The following YARS1 variants were observed in gnomAD, a reference collection of about 807,000 sequenced individuals.
The protein encoded by YARS1 is tyrosine--tRNA ligase, cytoplasmic.
A neutral mutation model predicts 62.2 loss-of-function variants in YARS1; 36 were observed. The observed-to-expected ratio is 0.58, with a 90% CI of 0.44 to 0.76. YARS1 has a LOEUF of 0.76. Among genes scored for constraint, YARS1 ranks in the 30% least tolerant of loss-of-function variants. The pLI is 0.00. For synonymous variants in YARS1, 234 were observed against 244.9 expected, an observed-to-expected ratio of 0.96 and a Z score of 0.42; for missense variants, 524 against 639.8, an observed-to-expected ratio of 0.82 and a Z score of 1.95.
At chr1:32,811,313 C>A in intron 1 of YARS1, 1 of 533,074 alleles carries the variant, frequency 1.9e-6, no homozygotes, top group Non-Finnish European at 3.4e-6. Flanking sequence ...TCTTACCCAC[C>A]CCCCTTCCTC....
intron 12 of YARS1, among the ~76,000 whole-genome samples, chr1:32,778,914 A>G (rs1278620069): frequency 6.7e-6 from 1 of 150,244 alleles, no homozygotes; most frequent in Non-Finnish European, 1.5e-5. Flanking sequence ...AATTTTTTGT[A>G]TTTTTAGTAG....
chr1:32,806,714 C>A, intron 3 of YARS1, 103 bp from the exon 4 acceptor site: 1 of 1,490,750 alleles, frequency 6.7e-7, no homozygotes, highest in Non-Finnish European at 9.2e-7. Context: ...CTTAGTGTAA[C>A]CAGGGATCTC....
rs142577638 is a variant in YARS1 at position 32,806,292 on chromosome 1, G to C, written c.510+190C>G. On this transcript the variant is annotated intron_variant, in intron 4 of 12. Coordinates refer to ENST00000373477, the MANE Select transcript of YARS1 (RefSeq NM_003680.4). ...GAGAATTACCAAAATGTAGCACAGA[G>C]ACACGAAGTGAGCACATGCTGTTGG... Among the ~76,000 whole-genome samples the C allele has an allele frequency of 4.1e-4, 62 of 152,338 alleles. 1 individual carries two copies. Among genetic ancestry groups the C allele is most frequent in the African/African-American group, 1.4e-3 (60 of 41,582 alleles).
At chr1:32,800,855 A>G (rs1222131185) in intron 4 of YARS1, among the ~76,000 whole-genome samples, 1 of 152,134 alleles carries the variant, frequency 6.6e-6, no homozygotes, top group South Asian at 2.1e-4. Context: ...TTACAGGCGT[A>G]AGCCACTGCA....
At position 32,810,605 on chromosome 1, in the gene YARS1, A is replaced by G. The variant is rs777233375; in HGVS notation, c.366T>C (p.Asp122=). 5.6e-6 allele frequency: 9 copies of G among 1,612,892 alleles called. No homozygotes were observed. The highest frequency in any genetic ancestry group is 1.3e-5 in the African/African-American group (1 of 74,900). The change falls in exon 3 of 13, where the codon GAT becomes GAC. Residue 122 remains aspartate, a synonymous_variant. Coordinates refer to ENST00000373477, the MANE Select transcript of YARS1 (RefSeq NM_003680.4). ...LEKLKFIKGT[D]YQLSKEYTLD... ...CAAGCACTTACTTGCTGAGCTGGTAATCAGTGCCTTTGATGAACTTGAGCT... is the reference window on the plus strand; with the variant it reads ...CAAGCACTTACTTGCTGAGCTGGTAGTCAGTGCCTTTGATGAACTTGAGCT...
At position 32,782,197 on chromosome 1, in the gene YARS1, G is replaced by A. The variant is rs1336667944; in HGVS notation, c.1042+207C>T. The A allele has an allele frequency of 2.1e-5, 15 of 728,984 alleles. No homozygotes were observed. The South Asian group carries it at 2.2e-4, about 11-fold the overall frequency. 45.2% of individuals were successfully genotyped at this position (728,984 alleles called of 1,614,324 possible). ...ACACCAGCAGCTCTCAGCAATGCCG[G>A]TACAAAAGGATGTGATCACTTCCTG... On this transcript the variant is annotated intron_variant, in intron 9 of 12. Transcript: ENST00000373477.
chr1:32,779,578 G>C, intron 11 of YARS1, 55 bp from the exon 12 acceptor site: 1 of 1,613,100 alleles, frequency 6.2e-7, no homozygotes, highest in South Asian at 1.1e-5. Flanking sequence ...TCCAGTGACT[G>C]TGGAGGCCAA....
At chr1:32,799,357 T>C (rs1006428823) in intron 4 of YARS1, among the ~76,000 whole-genome samples, 4 of 152,066 alleles carry the variant, frequency 2.6e-5, no homozygotes, top group Admixed American at 2.6e-4. Context: ...AGGAGAAATA[T>C]GACCAGCACT....
At chr1:32,811,204 G>A in intron 1 of YARS1, 147 bp from the exon 2 acceptor site, 1 of 1,175,492 alleles carries the variant, frequency 8.5e-7, no homozygotes. Context: ...CAGTGCAGAT[G>A]TGATACCCTA....
At chr1:32,787,907 T>A (rs1444968643) in intron 6 of YARS1, among the ~76,000 whole-genome samples, 1 of 152,118 alleles carries the variant, frequency 6.6e-6, no homozygotes, top group Non-Finnish European at 1.5e-5. Flanking sequence ...GCCCAGGAGT[T>A]CAAGACCAGT....
intron 6 of YARS1, among the ~76,000 whole-genome samples, chr1:32,790,452 T>C (rs1004291092): frequency 2.1e-5 from 3 of 142,728 alleles, no homozygotes; most frequent in Non-Finnish European, 4.5e-5. Flanking sequence ...AGGCGGAGCT[T>C]GCAGTGAGCT....
At position 32,776,732 on chromosome 1, in the gene YARS1, C is replaced by G. The variant is rs1375901237; in HGVS notation, c.1477-641G>C. The stretch of plus-strand genomic sequence containing the variant: ...CTATAATCCCAGCATTTCGGGAGGC[C>G]GAGGTGGGCGGATCACGAGGTCAGG... On this transcript the variant is annotated intron_variant, in intron 12 of 12. Coordinates refer to ENST00000373477, the MANE Select transcript of YARS1 (RefSeq NM_003680.4). This position sits in a 1 kb window ranked among gnomAD's most constrained non-coding sequence, Gnocchi z 4.0. 6.6e-6 allele frequency among the ~76,000 whole-genome samples: 1 copy of G among 151,954 alleles called. No individual in the cohort carries two copies. The highest frequency in any genetic ancestry group is 1.5e-5 in the Non-Finnish European group (1 of 68,000).
At chr1:32,812,869 G>C (rs1170701723) in intron 1 of YARS1, among the ~76,000 whole-genome samples, 12 of 151,662 alleles carry the variant, frequency 7.9e-5, no homozygotes, top group African/African-American at 2.9e-4. Flanking sequence ...TCGGGAGGCT[G>C]AGGCAGGAGA....
At chr1:32,781,187 T>A in intron 9 of YARS1, 42 bp from the exon 10 acceptor site, 1 of 1,539,732 alleles carries the variant, frequency 6.5e-7, no homozygotes, top group Non-Finnish European at 9.0e-7. Context: ...TTCTTCCCTG[T>A]GGCAGGTCAG....
chr1:32,784,700 A>G (rs1653164194), intron 8 of YARS1, among the ~76,000 whole-genome samples: 1 of 152,136 alleles, frequency 6.6e-6, no homozygotes, highest in Non-Finnish European at 1.5e-5. Flanking sequence ...ATATATTCAC[A>G]TATATATTTT....
intron 3 of YARS1, among the ~76,000 whole-genome samples, chr1:32,807,538 C>A (rs1638491079): frequency 6.6e-6 from 1 of 152,016 alleles, no homozygotes; most frequent in Admixed American, 6.6e-5. Context: ...CTCATTGCAG[C>A]CTCAATCTCC....
chr1:32,775,888 C>CT lies in YARS1; in HGVS notation c.*92_*93insA. ...GAGTCCAAACCCGCTGCTTCCGTGT[C>CT]CTGAGAGATGGGTAAATGGGTGATG... On this transcript the variant is annotated 3_prime_UTR_variant, in exon 13 of 13. Coordinates refer to ENST00000373477, the MANE Select transcript of YARS1 (RefSeq NM_003680.4). 8.3e-7 allele frequency: 1 copy of CT among 1,210,442 alleles called. No homozygotes were observed. Among genetic ancestry groups the CT allele is most frequent in the East Asian group, 2.4e-5 (1 of 42,040 alleles). 75.0% of individuals were successfully genotyped at this position (1,210,442 alleles called of 1,614,324 possible).
chr1:32,786,597 G>T, intron 7 of YARS1, 150 bp from the exon 8 acceptor site: 1 of 839,286 alleles, frequency 1.2e-6, no homozygotes, highest in Non-Finnish European at 2.0e-6. Context: ...AATTGGATGA[G>T]TGGCACTATT....
At chr1:32,808,183 C>T (rs371266131) in intron 3 of YARS1, among the ~76,000 whole-genome samples, 19 of 151,508 alleles carry the variant, frequency 1.3e-4, no homozygotes, top group Middle Eastern at 3.2e-3. Flanking sequence ...GGATTACAGG[C>T]ATGAGCCACT....
Sources: allele counts gnomAD v4.1 joint callset (sites outside exome capture counted in the v4.1 genomes callset), GRCh38; gene constraint gnomAD v4.1.1; non-coding constraint Gnocchi (gnomAD v3.1); transcripts MANE v1.5; gene names NCBI Gene and HGNC (gene_info 2026-07-23, HGNC 2026-07-21).